The following IGSF10 variants were observed in gnomAD, a reference collection of about 807,000 sequenced individuals.
IGSF10 encodes immunoglobulin superfamily member 10, also known as calvaria mechanical force protein 608.
IGSF10 carries 126 observed loss-of-function variants against 128.2 expected under a neutral mutation model. The observed-to-expected ratio is 0.98, with a 90% CI of 0.85 to 1.14. The LOEUF (loss-of-function observed/expected upper bound fraction) is 1.14. Ranked by LOEUF, IGSF10 falls within the 50% of genes most tolerant of loss-of-function variation. The pLI, the probability that IGSF10 is intolerant of heterozygous loss-of-function variation, is 0.00. For synonymous variants in IGSF10, 1,185 were observed against 1,146.2 expected (o/e 1.03, Z -0.68); for missense variants, 3,295 against 3,149.8 (o/e 1.05, Z -1.10).
At chr3:151,512,406 G>A in the IGSF10 span, among the ~76,000 whole-genome samples, 2 of 152,142 alleles carry the variant, frequency 1.3e-5, no homozygotes, top group Admixed American at 1.3e-4. Context: ...GATGTTCTTT[G>A]AAACCAACGA....
chr3:151,557,499 C>T, the IGSF10 span, among the ~76,000 whole-genome samples: 1 of 152,024 alleles, frequency 6.6e-6, no homozygotes, highest in Non-Finnish European at 1.5e-5. Context: ...CAGAAAAAGC[C>T]CTTCCCTTCC....
chr3:151,575,643 G>A, the IGSF10 span, among the ~76,000 whole-genome samples: 1 of 152,182 alleles, frequency 6.6e-6, no homozygotes, highest in Non-Finnish European at 1.5e-5. Flanking sequence ...GTCTTCCCTT[G>A]GCTAGGAAAG....
the IGSF10 span, among the ~76,000 whole-genome samples, chr3:151,472,418 T>C: frequency 6.6e-6 from 1 of 152,152 alleles, no homozygotes; most frequent in South Asian, 2.1e-4. Flanking sequence ...AGGAACTCAT[T>C]TTATTGGGCA....
chr3:151,569,596 CTAGAGA>C, the IGSF10 span, among the ~76,000 whole-genome samples: 1 of 152,016 alleles, frequency 6.6e-6, no homozygotes, highest in Non-Finnish European at 1.5e-5. Flanking sequence ...GTTCTACAGG[CTAGAGA>C]TTTAAAATGC....
At chr3:151,527,696 T>C in the IGSF10 span, among the ~76,000 whole-genome samples, 1 of 152,088 alleles carries the variant, frequency 6.6e-6, no homozygotes, top group Non-Finnish European at 1.5e-5. Flanking sequence ...ATGCCTATAA[T>C]CCCAGCACTT....
At chr3:151,609,951 T>G in the IGSF10 span, among the ~76,000 whole-genome samples, 1 of 152,086 alleles carries the variant, frequency 6.6e-6, no homozygotes, top group Non-Finnish European at 1.5e-5. Flanking sequence ...AGTACACCCA[T>G]GTAACAAATC....
In IGSF10 at chr3:151,440,392, GA is replaced by G. The variant is rs200210644; in HGVS notation, c.5964-1796del. On this transcript the variant is annotated intron_variant, in intron 7 of 7. Coordinates refer to ENST00000282466, the MANE Select transcript of IGSF10 (RefSeq NM_178822.5). ...GAAAGTATTATAGTAAAATATTAGA[GA>G]AAATTTTTTTTTCCCCAAGTATGGA... Among the ~76,000 whole-genome samples the G allele has an allele frequency of 1.2e-3, 178 of 151,728 alleles. 1 individual carries two copies. Among genetic ancestry groups the G allele is most frequent in the African/African-American group, 3.2e-3 (133 of 41,390 alleles).
the IGSF10 span, among the ~76,000 whole-genome samples, chr3:151,561,710 A>C: frequency 6.6e-6 from 1 of 152,144 alleles, no homozygotes; most frequent in Non-Finnish European, 1.5e-5. Context: ...ATCTGTTACC[A>C]TTTGTAGTTT....
the IGSF10 span, among the ~76,000 whole-genome samples, chr3:151,607,774 G>A: frequency 6.6e-6 from 1 of 151,738 alleles, no homozygotes; most frequent in Non-Finnish European, 1.5e-5. Context: ...AGCCGGGTGT[G>A]GTGGCAGGCG....
At position 151,453,795 on chromosome 3, in the gene IGSF10, CAT is replaced by C. The variant is rs58221507; in HGVS notation, c.325-23_325-22del. 1,412 of 1,401,792 alleles carry C rather than the reference CAT, an allele frequency of 1.0e-3. 14 individuals are homozygous for C. In the African/African-American group the frequency reaches 0.019, roughly 19 times the overall value. 86.8% of individuals were successfully genotyped at this position (1,401,792 alleles called of 1,614,324 possible). On this transcript the variant is annotated intron_variant, in intron 4 of 7. Transcript: ENST00000282466. ...AAGACCTATGAATTAAAAAAAAGAA[CAT>C]ATTTATGTTGTCAAAGGAATTTTCA...
At chr3:151,548,547 C>T in the IGSF10 span, among the ~76,000 whole-genome samples, 1 of 152,200 alleles carries the variant, frequency 6.6e-6, no homozygotes, top group Non-Finnish European at 1.5e-5. Context: ...ATGACTGGAA[C>T]AGTATGTGAC....
the IGSF10 span, among the ~76,000 whole-genome samples, chr3:151,610,298 A>G: frequency 1.3e-5 from 2 of 152,218 alleles, no homozygotes; most frequent in Non-Finnish European, 2.9e-5. Flanking sequence ...AACATTTCCT[A>G]TTCCCAATAC....
At chr3:151,599,561 CT>C in the IGSF10 span, among the ~76,000 whole-genome samples, 6 of 152,198 alleles carry the variant, frequency 3.9e-5, no homozygotes, top group East Asian at 1.2e-3. Flanking sequence ...TTTATTGCGT[CT>C]TTTTTGTGGA....
At chr3:151,570,229 T>C in the IGSF10 span, among the ~76,000 whole-genome samples, 1 of 152,232 alleles carries the variant, frequency 6.6e-6, no homozygotes, top group Non-Finnish European at 1.5e-5. Context: ...GCATGATTTA[T>C]AATCCTTTGG....
chr3:151,477,966 A>G, the IGSF10 span, among the ~76,000 whole-genome samples: 1 of 152,248 alleles, frequency 6.6e-6, no homozygotes, highest in Non-Finnish European at 1.5e-5. Flanking sequence ...ATGTATCACA[A>G]AATATTATTC....
At chr3:151,515,833 A>T in the IGSF10 span, among the ~76,000 whole-genome samples, 1 of 151,832 alleles carries the variant, frequency 6.6e-6, no homozygotes, top group Admixed American at 6.6e-5. Flanking sequence ...CTGGGAAGAC[A>T]ATCAAAACTT....
rs780539580 is a variant in IGSF10 at position 151,437,628 on chromosome 3, A to G, written c.6933T>C (p.Phe2311=). The G allele has an allele frequency of 3.7e-6, 6 of 1,614,072 alleles. No individual in the cohort carries two copies. The highest frequency in any genetic ancestry group is 2.2e-5 in the South Asian group (2 of 91,086). Residue 2311 remains phenylalanine, a synonymous_variant, in exon 8 of 8, where the codon TTT becomes TTC. Coordinates refer to ENST00000282466, the MANE Select transcript of IGSF10 (RefSeq NM_178822.5). Reference sequence around the variant, plus strand: ...CACCTTCATTTCGGGCCACACAGATAAAGTCGGCTGAATCTGAAAGCCTCA... The same window carrying G: ...CACCTTCATTTCGGGCCACACAGATGAAGTCGGCTGAATCTGAAAGCCTCA... The part of the protein sequence containing the change: ...RNVRLSDSAD[F]ICVARNEGGE...
chr3:151,461,099 G>T (rs1722038623), upstream of IGSF10: 1 of 985,302 alleles, frequency 1.0e-6, no homozygotes, highest in African/African-American at 1.7e-5. Flanking sequence ...CCCGACTTCT[G>T]TGTCTGGGGA....
At position 151,452,841 on chromosome 3, in the gene IGSF10, A is replaced by G. The variant is rs111286701; in HGVS notation, c.715+543T>C. ...AGATGGGGTGGGTGGAGAAGCAGCC[A>G]GACTTCTCAGAACGGCTGAGCAGTT... is the stretch of plus-strand genomic sequence containing the variant. On this transcript the variant is annotated intron_variant, in intron 5 of 7. Transcript: ENST00000282466. Among the ~76,000 whole-genome samples the G allele has an allele frequency of 6.0e-3, 919 of 152,182 alleles. 6 individuals are homozygous for G. The highest frequency in any genetic ancestry group is 0.011 in the South Asian group (51 of 4,828).
Sources: allele counts gnomAD v4.1 joint callset (sites outside exome capture counted in the v4.1 genomes callset), GRCh38; gene constraint gnomAD v4.1.1; transcripts MANE v1.5; gene names NCBI Gene and HGNC (gene_info 2026-07-23, HGNC 2026-07-21).